Variants in MATK observed in about 807,000 individuals in gnomAD.
The protein encoded by MATK is megakaryocyte-associated tyrosine-protein kinase.
MATK carries 41 observed loss-of-function variants against 59.8 expected under a neutral mutation model. That is an observed-to-expected ratio of 0.69 (90% CI 0.53 to 0.89). The LOEUF is 0.89. MATK is among the 40% of genes least tolerant of loss of function. The probability of loss-of-function intolerance (pLI) is 0.00; values close to 1 mark genes in which losing one functional copy is unlikely to be tolerated. For synonymous variants in MATK, 308 were observed against 306.1 expected (o/e 1.01, Z -0.06); for missense variants, 593 against 719.6 (o/e 0.82, Z 2.01).
At chr19:3,800,148 AAAAAAAAG>A (rs1270064670) in intron 1 of MATK, among the ~76,000 whole-genome samples, 82 of 152,088 alleles carry the variant, frequency 5.4e-4, no homozygotes, top group African/African-American at 1.7e-3. Context: ...TCTCAAAAAA[AAAAAAAAG>A]AAAAAAAGGA....
At chr19:3,791,622 C>T (rs950541652) in intron 1 of MATK, among the ~76,000 whole-genome samples, 2 of 151,886 alleles carry the variant, frequency 1.3e-5, no homozygotes, top group African/African-American at 2.4e-5. Context: ...GGATTACAGG[C>T]GTGAGCCACC....
chr19:3,787,189 G>T (rs2037495533), upstream of MATK, among the ~76,000 whole-genome samples: 1 of 152,156 alleles, frequency 6.6e-6, no homozygotes, highest in African/African-American at 2.4e-5. Context: ...CTGGAGTGCA[G>T]TGGCGTGATC....
intron 4 of MATK, 29 bp from the exon 5 acceptor site, chr19:3,784,268 T>G: frequency 6.3e-7 from 1 of 1,597,692 alleles, no homozygotes; most frequent in Non-Finnish European, 8.6e-7. Context: ...GGGGTTAGTG[T>G]GGGGGGTGTG....
upstream of MATK, chr19:3,787,549 T>C (rs948885420): frequency 1.3e-5 from 2 of 152,008 alleles, no homozygotes; most frequent in African/African-American, 4.8e-5. Context: ...CTAACTTTTG[T>C]ATTTTTATTT....
intron 1 of MATK, among the ~76,000 whole-genome samples, chr19:3,792,299 A>G (rs1306662413): frequency 6.6e-6 from 1 of 152,104 alleles, no homozygotes; most frequent in African/African-American, 2.4e-5. Flanking sequence ...ATAGTAGGCA[A>G]TAAACATAGT....
upstream of MATK, among the ~76,000 whole-genome samples, chr19:3,788,619 CAAAAAAAAAAA>C (rs1171553701): frequency 1.4e-5 from 1 of 70,292 alleles, no homozygotes; most frequent in Non-Finnish European, 2.8e-5. Flanking sequence ...ACTCTGTCTC[CAAAAAAAAAAA>C]AAAAAAAAAA....
At chr19:3,787,380 CTT>C (rs549661210), upstream of MATK, 9 of 136,730 alleles carry the variant, frequency 6.6e-5, no homozygotes, top group Non-Finnish European at 9.5e-5. Flanking sequence ...GCCACTTTGC[CTT>C]TTTTTTTTTT....
At chr19:3,788,135 ATAT>A (rs913287935), upstream of MATK, among the ~76,000 whole-genome samples, 3 of 144,580 alleles carry the variant, frequency 2.1e-5, no homozygotes, top group African/African-American at 7.6e-5. Context: ...ATATTATATT[ATAT>A]TATATTATAT....
chr19:3,783,292 T>C (rs555984563), intron 6 of MATK, 73 bp from the exon 7 acceptor site: 71 of 130,296 alleles, frequency 5.4e-4, no homozygotes, highest in South Asian at 3.9e-3. Flanking sequence ...CGTTCCCGGG[T>C]GGCCTCTGGG....
intron 2 of MATK, 28 bp downstream of exon 2, chr19:3,785,036 C>T (rs1271678413): frequency 6.2e-7 from 1 of 1,608,978 alleles, no homozygotes; most frequent in Admixed American, 1.7e-5. Flanking sequence ...ACTGGCTCCC[C>T]AAGCCCCTGT....
At chr19:3,783,680 G>A (rs1349113732) in intron 6 of MATK, 134 bp downstream of exon 6, 2 of 759,596 alleles carry the variant, frequency 2.6e-6, no homozygotes, top group Non-Finnish European at 4.4e-6. Flanking sequence ...AGGAGGTAGG[G>A]ATGGTGTCTG....
chr19:3,786,226 G>A lies in MATK; in HGVS notation c.-209C>T. The stretch of plus-strand genomic sequence containing the variant: ...CGCCCGCCCCCAGGAGGGCCTCCGC[G>A]AGCCGGCTGCACACCCCGAGGCGGT... On this transcript the variant is annotated 5_prime_UTR_variant, in exon 1 of 14. Coordinates refer to ENST00000310132, the MANE Select transcript of MATK (RefSeq NM_139355.3). The surrounding 1 kb of genome is among the most constrained non-coding windows in gnomAD (Gnocchi z 4.1). The A allele has an allele frequency of 1.0e-6, 1 of 985,232 alleles. No homozygotes were observed. The highest frequency in any genetic ancestry group is 1.2e-6 in the Non-Finnish European group (1 of 829,864). The allele number at this position is 985,232 out of a possible 1,614,324, so 61.0% of individuals were successfully genotyped here.
intron 1 of MATK, among the ~76,000 whole-genome samples, chr19:3,801,297 G>C (rs1054536630): frequency 4.6e-5 from 7 of 152,092 alleles, no homozygotes; most frequent in African/African-American, 1.7e-4. Flanking sequence ...GGGACAAGAC[G>C]GGCAACAATC....
At chr19:3,786,529 C>CA (rs1039962799), upstream of MATK, 15 of 380,394 alleles carry the variant, frequency 3.9e-5, no homozygotes, top group South Asian at 9.3e-4. This position sits in a 1 kb window ranked among gnomAD's most constrained non-coding sequence, Gnocchi z 4.1. Flanking sequence ...GGGCGTGCAC[C>CA]CCCCACCCAC....
At chr19:3,789,677 G>A (rs1222758675), upstream of MATK, among the ~76,000 whole-genome samples, 1 of 151,610 alleles carries the variant, frequency 6.6e-6, no homozygotes, top group South Asian at 2.1e-4. Flanking sequence ...CACAGAAGGG[G>A]TAGCCTCAGG....
intron 1 of MATK, among the ~76,000 whole-genome samples, chr19:3,798,573 C>T (rs921344572): frequency 7.2e-5 from 11 of 152,130 alleles, no homozygotes; most frequent in Non-Finnish European, 1.3e-4. Context: ...AGTGCAATGG[C>T]ACAGTGTCAG....
intron 1 of MATK, among the ~76,000 whole-genome samples, chr19:3,794,076 C>G (rs1276520938): frequency 6.6e-6 from 1 of 152,014 alleles, no homozygotes; most frequent in Non-Finnish European, 1.5e-5. Flanking sequence ...ATCCTTCCCC[C>G]AGCTCTTCTC....
chr19:3,779,236 T>C (rs570048768), intron 11 of MATK, 49 bp from the exon 12 acceptor site: 2 of 1,548,926 alleles, frequency 1.3e-6, no homozygotes, highest in South Asian at 1.2e-5. Flanking sequence ...GATGCCCACA[T>C]TCAGGGCTCA....
At chr19:3,790,202 G>A (rs1010768776), upstream of MATK, among the ~76,000 whole-genome samples, 4 of 152,154 alleles carry the variant, frequency 2.6e-5, no homozygotes, top group East Asian at 1.9e-4. Flanking sequence ...AGAGGTGGCC[G>A]CACCAGTTTC....
Sources: allele counts gnomAD v4.1 joint callset (sites outside exome capture counted in the v4.1 genomes callset), GRCh38; gene constraint gnomAD v4.1.1; non-coding constraint Gnocchi (gnomAD v3.1); transcripts MANE v1.5; gene names NCBI Gene and HGNC (gene_info 2026-07-23, HGNC 2026-07-21).